Variants in DLGAP1 observed in about 807,000 individuals in gnomAD.
DLGAP1 encodes DLG associated protein 1.
In DLGAP1, 11 loss-of-function variants were observed where a neutral mutation model predicts 90.8. The observed-to-expected ratio is 0.12, with a 90% CI of 0.08 to 0.20. The LOEUF (loss-of-function observed/expected upper bound fraction) is 0.20, where lower values mean the gene tolerates loss of function less well. Ranked by LOEUF, DLGAP1 falls within the 10% of genes least tolerant of loss-of-function variation. DLGAP1 has a pLI of 1.00. For synonymous variants in DLGAP1, 558 were observed against 540.7 expected (o/e 1.03, Z -0.44); for missense variants, 1,050 against 1,333.8 (o/e 0.79, Z 3.31).
At chr18:4,132,608 T>G (rs1429830982) in intron 2 of DLGAP1, among the ~76,000 whole-genome samples, 1 of 152,178 alleles carries the variant, frequency 6.6e-6, no homozygotes, top group Admixed American at 6.5e-5. Flanking sequence ...ACAATAGTTG[T>G]CTAACATATA....
At chr18:4,033,949 G>A (rs1416652518) in intron 2 of DLGAP1, among the ~76,000 whole-genome samples, 1 of 151,462 alleles carries the variant, frequency 6.6e-6, no homozygotes, top group Non-Finnish European at 1.5e-5. Context: ...GTGTTAGCCA[G>A]GATGGTCTCC....
chr18:3,527,153 T>C (rs898879344), intron 10 of DLGAP1, among the ~76,000 whole-genome samples: 22 of 152,306 alleles, frequency 1.4e-4, no homozygotes, highest in African/African-American at 5.1e-4. Context: ...CAAATGCTTG[T>C]TTTCGGTCTG....
chr18:4,450,305 G>C (rs539415128), intron 1 of DLGAP1, among the ~76,000 whole-genome samples: 1 of 152,186 alleles, frequency 6.6e-6, no homozygotes, highest in Non-Finnish European at 1.5e-5. Flanking sequence ...TCCAGGGAAA[G>C]GGTGTAATCA....
At chr18:3,874,713 G>C in intron 4 of DLGAP1, 3 of 1,533,378 alleles carry the variant, frequency 2.0e-6, no homozygotes, top group Non-Finnish European at 2.6e-6. Flanking sequence ...CCATGTTCCT[G>C]CTCCCAACCC....
chr18:3,736,221 C>T (rs2062631047), intron 6 of DLGAP1, among the ~76,000 whole-genome samples: 1 of 152,172 alleles, frequency 6.6e-6, no homozygotes, highest in Admixed American at 6.5e-5. Flanking sequence ...ACAGTGACTA[C>T]ATGACATATT....
intron 6 of DLGAP1, among the ~76,000 whole-genome samples, chr18:3,741,869 G>A (rs2063067243): frequency 6.7e-6 from 1 of 150,060 alleles, no homozygotes; most frequent in Non-Finnish European, 1.5e-5. Flanking sequence ...CAGAGAAAGA[G>A]TCTTGCTATG....
At chr18:3,832,845 G>A (rs988798432) in intron 4 of DLGAP1, among the ~76,000 whole-genome samples, 1 of 152,048 alleles carries the variant, frequency 6.6e-6, no homozygotes, top group African/African-American at 2.4e-5. Flanking sequence ...GGTGGAAAAC[G>A]GGAGGCAGCT....
intron 7 of DLGAP1, among the ~76,000 whole-genome samples, chr18:3,646,371 C>G (rs2059115755): frequency 6.6e-6 from 1 of 151,928 alleles, no homozygotes; most frequent in African/African-American, 2.4e-5. Flanking sequence ...CTAGCCTGGG[C>G]AAGATCCTGT....
chr18:4,385,770 A>G (rs571305945), intron 1 of DLGAP1, among the ~76,000 whole-genome samples: 14 of 152,312 alleles, frequency 9.2e-5, no homozygotes, highest in African/African-American at 2.9e-4. Context: ...ATTTTTTTAC[A>G]TGTTACTTTC....
chr18:3,832,167 C>T (rs181273445), intron 4 of DLGAP1, among the ~76,000 whole-genome samples: 18 of 152,288 alleles, frequency 1.2e-4, no homozygotes, highest in Admixed American at 3.3e-4. Flanking sequence ...CTTCTGTCTC[C>T]CGACATTGAC....
chr18:4,335,962 G>T (rs563540795), intron 1 of DLGAP1, among the ~76,000 whole-genome samples: 76 of 152,304 alleles, frequency 5.0e-4, no homozygotes, highest in African/African-American at 1.6e-3. Context: ...AGAAACACAA[G>T]ACTATTGGTT....
chr18:3,553,996 T>C (rs2053616598), intron 9 of DLGAP1, among the ~76,000 whole-genome samples: 1 of 152,210 alleles, frequency 6.6e-6, no homozygotes, highest in African/African-American at 2.4e-5. Context: ...GAGTCACTAA[T>C]GGGCTAATGT....
intron 1 of DLGAP1, among the ~76,000 whole-genome samples, chr18:4,376,625 A>C (rs1002104242): frequency 4.6e-5 from 7 of 152,208 alleles, no homozygotes; most frequent in Non-Finnish European, 1.0e-4. Context: ...GAAACTTTCT[A>C]TATCAGAAGA....
At chr18:3,936,353 T>C (rs2072639585) in intron 3 of DLGAP1, among the ~76,000 whole-genome samples, 1 of 152,192 alleles carries the variant, frequency 6.6e-6, no homozygotes. Flanking sequence ...AAGTGACACA[T>C]AAAATTCTTC....
intron 7 of DLGAP1, among the ~76,000 whole-genome samples, chr18:3,720,572 T>C (rs1456398853): frequency 6.6e-6 from 1 of 152,160 alleles, no homozygotes; most frequent in Admixed American, 6.6e-5. Context: ...GTCTTGGATT[T>C]ACCACCTGGA....
intron 2 of DLGAP1, among the ~76,000 whole-genome samples, chr18:4,073,252 A>T (rs2075475864): frequency 6.6e-6 from 1 of 152,186 alleles, no homozygotes; most frequent in Admixed American, 6.5e-5. Flanking sequence ...CTCATAACCA[A>T]TTTTTTGAAA....
At chr18:4,047,000 G>C (rs928004366) in intron 2 of DLGAP1, among the ~76,000 whole-genome samples, 7 of 152,166 alleles carry the variant, frequency 4.6e-5, no homozygotes, top group African/African-American at 1.7e-4. Context: ...CCACATCCTG[G>C]AACTAGAGAT....
intron 1 of DLGAP1, among the ~76,000 whole-genome samples, chr18:4,310,121 C>T (rs1336528896): frequency 6.6e-6 from 1 of 152,124 alleles, no homozygotes; most frequent in Non-Finnish European, 1.5e-5. Context: ...AGGCTCTGAC[C>T]TCACCTAGGA....
At chr18:4,145,531 G>T (rs572017659) in intron 2 of DLGAP1, among the ~76,000 whole-genome samples, 1 of 152,250 alleles carries the variant, frequency 6.6e-6, no homozygotes, top group African/African-American at 2.4e-5. Flanking sequence ...GCTGACAAGT[G>T]CTGGGGTAAC....
Sources: gnomAD v4.1 joint callset for allele counts (sites outside exome capture counted in the v4.1 genomes callset) on GRCh38, gnomAD v4.1.1 for gene constraint, MANE v1.5 for transcripts, NCBI Gene and HGNC (gene_info 2026-07-23, HGNC 2026-07-21) for gene names.